Variants in SYT16 observed in about 807,000 individuals in gnomAD.
SYT16 encodes the protein synaptotagmin-16.
Under a neutral mutation model 61.4 loss-of-function variants are expected in SYT16, and 42 were observed. The observed-to-expected ratio is 0.68, with a 90% CI of 0.53 to 0.89. SYT16 has a LOEUF of 0.89. SYT16 is among the 40% of genes least tolerant of loss of function. The pLI is 0.00. For missense variants in SYT16, 804 were observed against 807.3 expected (o/e 1.00, Z 0.05); for synonymous variants, 314 against 302.3 (o/e 1.04, Z -0.40).
intron 1 of SYT16, among the ~76,000 whole-genome samples, chr14:61,923,048 C>CAAA (rs140168317): frequency 1.0e-5 from 1 of 95,506 alleles, no homozygotes; most frequent in African/African-American, 4.3e-5. Flanking sequence ...GACTCTGTCT[C>CAAA]AAAAAAAAAA....
At chr14:61,846,371 A>G (rs1276681051) in intron 1 of SYT16, among the ~76,000 whole-genome samples, 6 of 152,050 alleles carry the variant, frequency 3.9e-5, no homozygotes, top group Non-Finnish European at 8.8e-5. Context: ...TAAAGTTGTT[A>G]TATCCTCCTG....
intron 7 of SYT16, among the ~76,000 whole-genome samples, chr14:62,095,806 A>G (rs2057256069): frequency 6.6e-6 from 1 of 151,998 alleles, no homozygotes; most frequent in Non-Finnish European, 1.5e-5. Context: ...TCTAAAATTC[A>G]TATGCAAGAG....
At position 62,084,291 on chromosome 14, in the gene SYT16, G is replaced by C; in HGVS notation, c.1530G>C (p.Leu510Phe). 1 of 1,613,752 alleles carries C rather than the reference G, an allele frequency of 6.2e-7. No homozygotes were observed. ...SLSHGGAPEL[L>F]VGLSYNATTG... ...CTCATGGAGGGGCGCCAGAGCTGTTGGTGGGGCTCTCGTACAATGCCACAA... is the reference window on the plus strand; with the variant it reads ...CTCATGGAGGGGCGCCAGAGCTGTTCGTGGGGCTCTCGTACAATGCCACAA... The change falls in exon 7 of 8, where the codon TTG (leucine) becomes TTC (phenylalanine). Residue 510 changes from leucine (L) to phenylalanine (F), a missense_variant. Transcript: ENST00000683842.
chr14:61,953,106 C>T (rs752962205), intron 1 of SYT16, among the ~76,000 whole-genome samples: 2 of 152,140 alleles, frequency 1.3e-5, no homozygotes, highest in African/African-American at 2.4e-5. Context: ...TTAAAGCTCT[C>T]AGTGTAACTT....
chr14:61,899,770 A>C (rs1195016020), intron 1 of SYT16, among the ~76,000 whole-genome samples: 1 of 152,218 alleles, frequency 6.6e-6, no homozygotes. Context: ...CTCAGAGCAG[A>C]AAGACAGATG....
chr14:61,876,022 G>T (rs927508233), intron 1 of SYT16, among the ~76,000 whole-genome samples: 1 of 152,178 alleles, frequency 6.6e-6, no homozygotes, highest in African/African-American at 2.4e-5. Context: ...TGGATAAAAA[G>T]AATGATAGAT....
chr14:61,865,331 T>A (rs116205212), intron 1 of SYT16: 45 of 702,658 alleles, frequency 6.4e-5, no homozygotes, highest in Non-Finnish European at 1.0e-4. Flanking sequence ...CTGAAGCTCT[T>A]AGGAGAAGCA....
At chr14:61,853,282 G>A (rs1352682133) in intron 1 of SYT16, among the ~76,000 whole-genome samples, 3 of 152,250 alleles carry the variant, frequency 2.0e-5, no homozygotes, top group Non-Finnish European at 4.4e-5. Flanking sequence ...AAATTGTTTT[G>A]GACCCTTGAG....
rs10144822 is a variant in SYT16, at chr14:62,020,585, A to G, written c.523+24043A>G. 7.8e-3 allele frequency among the ~76,000 whole-genome samples: 1,192 copies of G among 152,298 alleles called. 10 individuals carry two copies. Among genetic ancestry groups the G allele is most frequent in the African/African-American group, 0.028 (1,152 of 41,558 alleles). On this transcript the variant is annotated intron_variant, in intron 3 of 7. Transcript: ENST00000683842. ...TAACGGAGATTCCCTTTCAACTCTT[A>G]AAAAGTTGTCCATGTTTTCATTTCC... is the stretch of plus-strand genomic sequence containing the variant.
chr14:61,942,608 T>C (rs2050251746), intron 1 of SYT16, among the ~76,000 whole-genome samples: 1 of 152,244 alleles, frequency 6.6e-6, no homozygotes, highest in African/African-American at 2.4e-5. Context: ...ACTGTGATCC[T>C]GTCAATGATA....
intron 3 of SYT16, among the ~76,000 whole-genome samples, chr14:62,022,105 T>G (rs975721947): frequency 6.6e-6 from 1 of 152,004 alleles, no homozygotes; most frequent in African/African-American, 2.4e-5. Context: ...ATAATTCTTG[T>G]TAGTCAGTAT....
intron 1 of SYT16, among the ~76,000 whole-genome samples, chr14:61,847,403 GA>G (rs1388684716): frequency 1.3e-5 from 2 of 152,162 alleles, no homozygotes; most frequent in Non-Finnish European, 2.9e-5. Context: ...GGTTTTCACT[GA>G]AAAGCCTGCT....
intron 2 of SYT16, among the ~76,000 whole-genome samples, chr14:61,973,041 A>G (rs1178424795): frequency 1.3e-5 from 2 of 152,202 alleles, no homozygotes; most frequent in Non-Finnish European, 2.9e-5. Context: ...ATTTTTGTTG[A>G]TAAAAAAATG....
At chr14:61,993,739 T>C (rs564925383) in intron 2 of SYT16, among the ~76,000 whole-genome samples, 3 of 152,334 alleles carry the variant, frequency 2.0e-5, no homozygotes, top group African/African-American at 7.2e-5. Context: ...AGGGAACTTA[T>C]GTGATAACAT....
chr14:61,947,157 TA>T (rs1555360930), intron 1 of SYT16, among the ~76,000 whole-genome samples: 1 of 152,044 alleles, frequency 6.6e-6, no homozygotes, highest in Non-Finnish European at 1.5e-5. Context: ...CAGAGAATGG[TA>T]AAGCCAGTAC....
chr14:62,071,491 T>A (rs550860099), intron 4 of SYT16, among the ~76,000 whole-genome samples: 1 of 152,248 alleles, frequency 6.6e-6, no homozygotes, highest in South Asian at 2.1e-4. Context: ...AGGAAAAAAA[T>A]CTACTACATT....
At chr14:61,822,840 G>C (rs994294086) in intron 1 of SYT16, among the ~76,000 whole-genome samples, 1 of 152,146 alleles carries the variant, frequency 6.6e-6, no homozygotes, top group Non-Finnish European at 1.5e-5. Context: ...AGTGGGTAAA[G>C]GGCACAGAGT....
At chr14:61,833,698 A>C (rs1156872493) in intron 1 of SYT16, among the ~76,000 whole-genome samples, 1 of 117,528 alleles carries the variant, frequency 8.5e-6, no homozygotes, top group East Asian at 2.3e-4. Flanking sequence ...CACTGCGCCC[A>C]GCAGTGGCTT....
chr14:61,874,214 G>A (rs2047417343), intron 1 of SYT16, among the ~76,000 whole-genome samples: 1 of 152,182 alleles, frequency 6.6e-6, no homozygotes, highest in South Asian at 2.1e-4. Context: ...AGACATTACT[G>A]TGGAACTCTA....
Sources: allele counts gnomAD v4.1 joint callset (sites outside exome capture counted in the v4.1 genomes callset), GRCh38; gene constraint gnomAD v4.1.1; transcripts MANE v1.5; gene names NCBI Gene and HGNC (gene_info 2026-07-23, HGNC 2026-07-21).